IQCK: variants seen among roughly 807,000 people sequenced by gnomAD.
IQCK encodes the protein IQ motif containing K.
In IQCK, 29 loss-of-function variants were observed where a neutral mutation model predicts 28.1. The ratio of observed to expected loss-of-function variants is 1.03; its 90% CI spans 0.77 to 1.41. IQCK has a LOEUF of 1.41. Ranked by LOEUF, IQCK falls within the 40% of genes most tolerant of loss-of-function variation. The pLI is 0.00. For missense variants in IQCK, 359 were observed against 314.7 expected (o/e 1.14, Z -1.07); for synonymous variants, 113 against 115.1 (o/e 0.98, Z 0.12).
chr16:19,807,901 C>G (rs2055853205), intron 7 of IQCK, among the ~76,000 whole-genome samples: 1 of 152,156 alleles, frequency 6.6e-6, no homozygotes, highest in South Asian at 2.1e-4. Flanking sequence ...CATGCATTTT[C>G]TCCCTAAGAA....
chr16:19,847,515 T>C (rs2056427522), intron 9 of IQCK, among the ~76,000 whole-genome samples: 1 of 152,220 alleles, frequency 6.6e-6, no homozygotes. Context: ...TAAACTCTGT[T>C]CTGACTCCTT....
chr16:19,752,804 TC>T (rs1330839176), intron 4 of IQCK, among the ~76,000 whole-genome samples: 1 of 152,102 alleles, frequency 6.6e-6, no homozygotes, highest in Non-Finnish European at 1.5e-5. Context: ...GCTCAAATGA[TC>T]CACTTGCCTC....
intron 4 of IQCK, among the ~76,000 whole-genome samples, chr16:19,749,022 T>C (rs2054950887): frequency 6.6e-6 from 1 of 152,214 alleles, no homozygotes; most frequent in Non-Finnish European, 1.5e-5. Context: ...AGAATGTATC[T>C]TAAAGTAAAT....
chr16:19,828,916 TTA>T (rs987295304), downstream of IQCK, among the ~76,000 whole-genome samples: 12 of 143,180 alleles, frequency 8.4e-5, no homozygotes, highest in South Asian at 4.2e-4. Flanking sequence ...TTATATATTT[TTA>T]TATATATAAT....
chr16:19,762,753 A>G (rs908955701), intron 4 of IQCK, among the ~76,000 whole-genome samples: 8 of 152,118 alleles, frequency 5.3e-5, no homozygotes, highest in African/African-American at 1.9e-4. Context: ...AGTGGCTCAC[A>G]CCTGTAATCC....
intron 4 of IQCK, among the ~76,000 whole-genome samples, chr16:19,736,778 G>A (rs1978027487): frequency 6.6e-6 from 1 of 152,088 alleles, no homozygotes; most frequent in South Asian, 2.1e-4. Context: ...GGAGAAAATG[G>A]AGGGACACAG....
intron 4 of IQCK, among the ~76,000 whole-genome samples, chr16:19,753,962 C>G (rs545666618): frequency 6.6e-6 from 1 of 152,216 alleles, no homozygotes. Context: ...AGCACACCTC[C>G]CCTGACATCT....
At chr16:19,814,464 T>C (rs1475384093) in intron 7 of IQCK, among the ~76,000 whole-genome samples, 2 of 151,866 alleles carry the variant, frequency 1.3e-5, no homozygotes, top group Admixed American at 6.6e-5. Context: ...ACAAGTAGAA[T>C]GCAGAAAATT....
At chr16:19,782,997 T>TTTTG (rs1555518773) in intron 6 of IQCK, among the ~76,000 whole-genome samples, 11 of 150,822 alleles carry the variant, frequency 7.3e-5, no homozygotes, top group Non-Finnish European at 1.0e-4. Flanking sequence ...TCTTCTTTTT[T>TTTTG]TGTGTGTGTG....
At chr16:19,812,524 T>C (rs2055921374) in intron 7 of IQCK, among the ~76,000 whole-genome samples, 1 of 152,192 alleles carries the variant, frequency 6.6e-6, no homozygotes, top group African/African-American at 2.4e-5. Context: ...AGAGTTGGCA[T>C]TATTATGACA....
At chr16:19,847,572 A>G (rs2056428029) in intron 9 of IQCK, among the ~76,000 whole-genome samples, 1 of 152,230 alleles carries the variant, frequency 6.6e-6, no homozygotes, top group Non-Finnish European at 1.5e-5. Flanking sequence ...TGGAAAACAC[A>G]GAATGAACTC....
intron 6 of IQCK, among the ~76,000 whole-genome samples, chr16:19,768,762 A>G (rs2055278299): frequency 6.6e-6 from 1 of 152,118 alleles, no homozygotes; most frequent in Non-Finnish European, 1.5e-5. Context: ...ACAAAAAACA[A>G]ACAAACAAAA....
downstream of IQCK, among the ~76,000 whole-genome samples, chr16:19,828,146 CA>C (rs2056173440): frequency 6.6e-6 from 1 of 151,772 alleles, no homozygotes; most frequent in Non-Finnish European, 1.5e-5. Flanking sequence ...CTCCTGACCT[CA>C]AGTGATCTGC....
Position 19,825,520 on chromosome 16 carries a change from CAA to C in IQCK, c.691-1494_691-1493del, listed in dbSNP as rs879757935. Among the ~76,000 whole-genome samples, 1 of 136,746 alleles carries C rather than the reference CAA, an allele frequency of 7.3e-6. No individual in the cohort carries two copies. The highest frequency in any genetic ancestry group is 1.6e-5 in the Non-Finnish European group (1 of 63,126). 89.7% of individuals were successfully genotyped at this position (136,746 alleles called of 152,430 possible). On this transcript the variant is annotated intron_variant, in intron 7 of 7. Transcript: ENST00000564186. This position sits in a 1 kb window ranked among gnomAD's most constrained non-coding sequence, Gnocchi z 4.2. ...GGGCAGCAAGAACGAAACTCCATCT[CAA>C]AAAAAAAAAAATGTAAAATATTTGG...
rs1333521273 is a variant in IQCK, at chr16:19,763,898, C to A, written c.525C>A (p.Tyr175Ter). Residue 175 changes from tyrosine (Y) to a stop codon, truncating the protein, a stop_gained and splice_region_variant, in exon 5 of 8, where the codon TAC becomes TAA. Coordinates refer to ENST00000564186, the Ensembl canonical transcript of IQCK. LOFTEE classifies it high-confidence loss of function. Reference sequence around the variant, plus strand: ...GTGATTTTCTGACTGAGTGGTTATACAAGTAAGTTGTTCGTGTCTGACTAT... The same window carrying A: ...GTGATTTTCTGACTGAGTGGTTATAAAAGTAAGTTGTTCGTGTCTGACTAT... The A allele has an allele frequency of 6.2e-7, 1 of 1,613,422 alleles. No homozygotes were observed. The highest frequency in any genetic ancestry group is 8.5e-7 in the Non-Finnish European group (1 of 1,179,356).
chr16:19,811,007 G>T (rs1597579839), intron 7 of IQCK, among the ~76,000 whole-genome samples: 1 of 152,274 alleles, frequency 6.6e-6, no homozygotes, highest in East Asian at 1.9e-4. Context: ...GTACGGTCTG[G>T]GTACAGTGGC....
intron 7 of IQCK, among the ~76,000 whole-genome samples, chr16:19,819,282 C>G (rs1202729833): frequency 1.3e-5 from 2 of 151,910 alleles, no homozygotes; most frequent in Non-Finnish European, 2.9e-5. Flanking sequence ...CACTTGAGGT[C>G]AGGAGTTTGA....
At position 19,769,595 on chromosome 16, in the gene IQCK, G is replaced by C. The variant is rs369614878; in HGVS notation, c.605+5483G>C. Among the ~76,000 whole-genome samples the C allele has an allele frequency of 2.3e-4, 35 of 152,346 alleles. No individual in the cohort carries two copies. In the South Asian group the frequency reaches 5.0e-3, roughly 22 times the overall value. On this transcript the variant is annotated intron_variant, in intron 6 of 7. Transcript: ENST00000564186. ...CTCCTGGAGTGTGTGAGGACATAGG[G>C]ATGAGATGGAAGCTACGGCTAGAAG...
chr16:19,821,150 C>G (rs2056066211), intron 7 of IQCK, among the ~76,000 whole-genome samples: 1 of 151,358 alleles, frequency 6.6e-6, no homozygotes, highest in Non-Finnish European at 1.5e-5. Context: ...TGAGACCAGC[C>G]TGGGCAAAAA....
Sources: allele counts gnomAD v4.1 joint callset (sites outside exome capture counted in the v4.1 genomes callset), GRCh38; gene constraint gnomAD v4.1.1; non-coding constraint Gnocchi (gnomAD v3.1); transcripts MANE v1.5; gene names NCBI Gene and HGNC (gene_info 2026-07-23, HGNC 2026-07-21).